The following ANO2 variants were observed in gnomAD, a reference collection of about 807,000 sequenced individuals.
ANO2 encodes anoctamin 2.
ANO2 carries 101 observed loss-of-function variants against 124.2 expected under a neutral mutation model. The observed-to-expected ratio is 0.81, with a 90% CI of 0.69 to 0.96. ANO2 has a LOEUF of 0.96. ANO2 is among the 40% of genes least tolerant of loss of function. The probability of loss-of-function intolerance (pLI) is 0.00; values close to 1 mark genes in which losing one functional copy is unlikely to be tolerated. For missense variants in ANO2, 1,293 were observed against 1,274.5 expected (o/e 1.01, Z -0.22); for synonymous variants, 486 against 482.5 (o/e 1.01, Z -0.09).
At chr12:5,828,411 C>A (rs1263689725) in intron 6 of ANO2, among the ~76,000 whole-genome samples, 1 of 152,186 alleles carries the variant, frequency 6.6e-6, no homozygotes, top group African/African-American at 2.4e-5. Context: ...CCCACCTGCT[C>A]GGGGACGCCA....
chr12:5,648,160 T>C (rs941029116), intron 14 of ANO2, among the ~76,000 whole-genome samples: 13 of 152,208 alleles, frequency 8.5e-5, no homozygotes, highest in African/African-American at 3.1e-4. Context: ...ATACCTGCCC[T>C]GCCTACTACA....
At chr12:5,614,717 T>A (rs10849303) in intron 17 of ANO2, among the ~76,000 whole-genome samples, 1 of 152,072 alleles carries the variant, frequency 6.6e-6, no homozygotes, top group Non-Finnish European at 1.5e-5. Context: ...TCTGGAATTA[T>A]AGCCAGTGGG....
intron 14 of ANO2, among the ~76,000 whole-genome samples, chr12:5,667,904 T>C (rs1270925669): frequency 7.2e-5 from 11 of 152,260 alleles, no homozygotes; most frequent in Non-Finnish European, 1.3e-4. Context: ...TATGGCTGCA[T>C]AGTATTCCAT....
At chr12:5,583,330 A>G (rs1255213138) in intron 20 of ANO2, among the ~76,000 whole-genome samples, 1 of 152,194 alleles carries the variant, frequency 6.6e-6, no homozygotes, top group Admixed American at 6.5e-5. Flanking sequence ...GGAGAGTCCA[A>G]TTCTAATGAA....
At chr12:5,859,031 T>C (rs577203738) in intron 3 of ANO2, among the ~76,000 whole-genome samples, 2 of 152,330 alleles carry the variant, frequency 1.3e-5, no homozygotes, top group African/African-American at 4.8e-5. Flanking sequence ...TCAGAAAATA[T>C]AAGTTGCTGA....
intron 15 of ANO2, among the ~76,000 whole-genome samples, chr12:5,641,790 G>A (rs1490879261): frequency 1.3e-5 from 2 of 152,150 alleles, no homozygotes; most frequent in Non-Finnish European, 2.9e-5. Flanking sequence ...GGTGGGGCTG[G>A]GAAAGGGAAG....
At chr12:5,842,355 T>C (rs1018005401) in intron 4 of ANO2, among the ~76,000 whole-genome samples, 2 of 152,132 alleles carry the variant, frequency 1.3e-5, no homozygotes, top group East Asian at 3.9e-4. Flanking sequence ...AACGTAACTT[T>C]CCACAGGATC....
intron 3 of ANO2, among the ~76,000 whole-genome samples, chr12:5,857,925 G>C (rs1955155436): frequency 6.6e-6 from 1 of 152,160 alleles, no homozygotes; most frequent in South Asian, 2.1e-4. Context: ...GCCAGACACA[G>C]AAAGACAAAT....
intron 9 of ANO2, among the ~76,000 whole-genome samples, chr12:5,804,731 T>C (rs751700408): frequency 1.3e-5 from 2 of 152,256 alleles, no homozygotes; most frequent in Admixed American, 6.5e-5. Flanking sequence ...CATATTTTTA[T>C]ATCTACAACA....
At chr12:5,590,344 G>A (rs963071038) in intron 20 of ANO2, among the ~76,000 whole-genome samples, 8 of 152,288 alleles carry the variant, frequency 5.3e-5, no homozygotes, top group Admixed American at 2.0e-4. Context: ...AAAGATCGTC[G>A]ACACAGCAAG....
At chr12:5,788,425 T>C (rs941814749) in intron 10 of ANO2, among the ~76,000 whole-genome samples, 1 of 152,266 alleles carries the variant, frequency 6.6e-6, no homozygotes, top group Non-Finnish European at 1.5e-5. Flanking sequence ...TGATAAATTA[T>C]CTAACTGCCC....
intron 16 of ANO2, among the ~76,000 whole-genome samples, chr12:5,629,619 C>T (rs1025571158): frequency 2.0e-5 from 3 of 152,172 alleles, no homozygotes; most frequent in African/African-American, 7.2e-5. Context: ...AGGACCCGGA[C>T]CCTTTCTCTA....
At chr12:5,709,846 G>T (rs560637659) in intron 14 of ANO2, among the ~76,000 whole-genome samples, 1 of 152,368 alleles carries the variant, frequency 6.6e-6, no homozygotes, top group South Asian at 2.1e-4. Context: ...TGGGGTCATA[G>T]ATGAAACTGC....
At chr12:5,834,628 C>T (rs926354765) in intron 4 of ANO2, among the ~76,000 whole-genome samples, 2 of 152,204 alleles carry the variant, frequency 1.3e-5, no homozygotes, top group African/African-American at 4.8e-5. Flanking sequence ...ACAACTGAAA[C>T]ATAACCACAG....
chr12:5,729,748 T>C (rs761242547), intron 14 of ANO2, among the ~76,000 whole-genome samples: 1 of 148,926 alleles, frequency 6.7e-6, no homozygotes, highest in Non-Finnish European at 1.5e-5. Flanking sequence ...AGCCCAAAAG[T>C]AGAGACCACC....
At chr12:5,778,978 A>G (rs968401788) in intron 10 of ANO2, among the ~76,000 whole-genome samples, 3 of 152,238 alleles carry the variant, frequency 2.0e-5, no homozygotes, top group Admixed American at 6.5e-5. Context: ...TATTCAAGAA[A>G]CAATGGGAGT....
At chr12:5,584,506 G>A (rs751734135) in intron 20 of ANO2, among the ~76,000 whole-genome samples, 30 of 152,154 alleles carry the variant, frequency 2.0e-4, no homozygotes, top group Non-Finnish European at 3.8e-4. Context: ...AGGACACACT[G>A]GTATGAGCTT....
At chr12:5,652,168 A>G (rs923651987) in intron 14 of ANO2, among the ~76,000 whole-genome samples, 1 of 152,110 alleles carries the variant, frequency 6.6e-6, no homozygotes, top group Non-Finnish European at 1.5e-5. Flanking sequence ...TTTATAAGAA[A>G]CTGCCAGACA....
chr12:5,615,812 G>GA (rs1176464101), intron 16 of ANO2, among the ~76,000 whole-genome samples: 1 of 152,032 alleles, frequency 6.6e-6, no homozygotes, highest in Non-Finnish European at 1.5e-5. Flanking sequence ...CATTAATTTG[G>GA]ATGAATGCAG....
Sources: allele counts gnomAD v4.1 joint callset (sites outside exome capture counted in the v4.1 genomes callset), GRCh38; gene constraint gnomAD v4.1.1; transcripts MANE v1.5; gene names NCBI Gene and HGNC (gene_info 2026-07-23, HGNC 2026-07-21).